Variants in DPF3 observed in about 807,000 individuals in gnomAD.
DPF3 encodes double PHD fingers 3.
A neutral mutation model predicts 56.8 loss-of-function variants in DPF3; 18 were observed. The observed-to-expected ratio is 0.32, with a 90% confidence interval of 0.22 to 0.47. DPF3 has a LOEUF of 0.47. DPF3 is among the 20% of genes least tolerant of loss of function. The pLI, the probability that DPF3 is intolerant of heterozygous loss-of-function variation, is 1.00. For synonymous variants in DPF3, 188 were observed against 180.2 expected (o/e 1.04, Z -0.35); for missense variants, 403 against 488.8 (o/e 0.82, Z 1.65).
At chr14:72,822,429 T>G in intron 1 of DPF3, among the ~76,000 whole-genome samples, 1 of 125,332 alleles carries the variant, frequency 8.0e-6, no homozygotes, top group African/African-American at 2.8e-5. Flanking sequence ...TGTTAAAAAA[T>G]TTTTAAAGGT....
At chr14:72,873,010 A>G (rs1231112628) in intron 1 of DPF3, among the ~76,000 whole-genome samples, 32 of 152,294 alleles carry the variant, frequency 2.1e-4, no homozygotes, top group African/African-American at 6.7e-4. Context: ...ACATAGGCAT[A>G]GGCAAGGACT....
chr14:72,714,396 A>G lies in DPF3; in HGVS notation c.604+27T>C, dbSNP rs560023728. ...CCTGGGGGCAGGCGCACAGGGAGGA[A>G]GGAAGGTGGGACCGGCCCATACTTA... On this transcript the variant is annotated intron_variant, in intron 6 of 10. Transcript: ENST00000556509. 2.5e-6 allele frequency: 4 copies of G among 1,611,560 alleles called. No individual in the cohort carries two copies. The South Asian group carries it at 4.4e-5, about 18-fold the overall frequency.
intron 1 of DPF3, among the ~76,000 whole-genome samples, chr14:72,844,157 C>A (rs1183876610): frequency 2.0e-5 from 3 of 152,164 alleles, no homozygotes; most frequent in Admixed American, 6.5e-5. Flanking sequence ...ACACACATAA[C>A]AGGTTCTAGT....
intron 8 of DPF3, among the ~76,000 whole-genome samples, chr14:72,671,835 T>C (rs1886688840): frequency 6.6e-6 from 1 of 152,252 alleles, no homozygotes. Context: ...ATTTCATTTT[T>C]ATTTTACCCG....
chr14:72,794,933 T>C (rs2052143), intron 1 of DPF3, among the ~76,000 whole-genome samples: 134,359 of 151,936 alleles, frequency 0.88, 59,618 homozygotes, highest in East Asian at 0.98. Flanking sequence ...CCACTTCCAA[T>C]GTCATATCTC....
chr14:72,638,962 G>A (rs190695893), intron 8 of DPF3, among the ~76,000 whole-genome samples: 40 of 152,036 alleles, frequency 2.6e-4, no homozygotes, highest in African/African-American at 8.9e-4. Flanking sequence ...GACTACAGGC[G>A]CCCGCCACCA....
chr14:72,861,783 GAAA>G lies in DPF3; in HGVS notation c.32+32271_32+32273del, dbSNP rs1567261257. Among the ~76,000 whole-genome samples the G allele has an allele frequency of 1.9e-4, 28 of 149,750 alleles. No homozygotes were observed. The East Asian group carries it at 3.3e-3, about 18-fold the overall frequency. Reference sequence around the variant, plus strand: ...AGAAAGAAAGAAAGAAAGAAAGAAAGAAAGAAAGAAAGAAAGAAAGAAGGAAAG... The same window carrying G: ...AGAAAGAAAGAAAGAAAGAAAGAAAGGAAAGAAAGAAAGAAAGAAGGAAAG... On this transcript the variant is annotated intron_variant, in intron 1 of 10. Coordinates refer to ENST00000556509, the MANE Select transcript of DPF3 (RefSeq NM_001280542.3).
intron 1 of DPF3, among the ~76,000 whole-genome samples, chr14:72,850,828 C>T (rs185711153): frequency 8.4e-4 from 128 of 152,198 alleles, no homozygotes; most frequent in Admixed American, 3.3e-3. Context: ...TGTGCGCACG[C>T]GCATGTGTGT....
intron 5 of DPF3, among the ~76,000 whole-genome samples, chr14:72,715,750 C>T (rs1424216707): frequency 6.6e-6 from 1 of 152,006 alleles, no homozygotes; most frequent in Non-Finnish European, 1.5e-5. Flanking sequence ...CCAATCAACA[C>T]CACCTGCCAA....
intron 8 of DPF3, among the ~76,000 whole-genome samples, chr14:72,665,698 C>A (rs973168075): frequency 6.6e-6 from 1 of 152,172 alleles, no homozygotes; most frequent in Non-Finnish European, 1.5e-5. Context: ...AACCTGTGAG[C>A]CCAGACTGGA....
chr14:72,677,114 G>A (rs1243461513), intron 7 of DPF3, among the ~76,000 whole-genome samples: 1 of 152,198 alleles, frequency 6.6e-6, no homozygotes, highest in Non-Finnish European at 1.5e-5. Flanking sequence ...AAGGGGTGAG[G>A]GAGGTCCTAA....
intron 7 of DPF3, among the ~76,000 whole-genome samples, chr14:72,684,582 GA>G (rs1887322832): frequency 6.6e-6 from 1 of 151,744 alleles, no homozygotes. Flanking sequence ...GAATGAGAGA[GA>G]AAGACTCAGG....
chr14:72,722,658 T>C (rs912194429), intron 5 of DPF3, among the ~76,000 whole-genome samples: 5 of 152,086 alleles, frequency 3.3e-5, no homozygotes, highest in African/African-American at 7.2e-5. Flanking sequence ...CCTGAAGGGG[T>C]GAGATTCTCA....
chr14:72,886,269 G>A (rs1195520419), intron 1 of DPF3, among the ~76,000 whole-genome samples: 2 of 152,210 alleles, frequency 1.3e-5, no homozygotes, highest in Non-Finnish European at 2.9e-5. Flanking sequence ...CTACTCGGGA[G>A]ACTGAGACAA....
At chr14:72,768,933 CT>C (rs1427811024) in intron 2 of DPF3, among the ~76,000 whole-genome samples, 34 of 146,516 alleles carry the variant, frequency 2.3e-4, no homozygotes, top group African/African-American at 8.6e-4. Flanking sequence ...GTGTGAGTGT[CT>C]GTGTGTGTGT....
rs532824661 is a variant in DPF3 at position 72,638,408 on chromosome 14, G to A, written c.872-8672C>T. On this transcript the variant is annotated intron_variant, in intron 8 of 10. Transcript: ENST00000556509. ...GCTAAAGGCTCTGTGTTTTCTTTAG[G>A]AAAATGAGCCTGAAAAAGAAACCAT... is the stretch of plus-strand genomic sequence containing the variant. 3.3e-4 allele frequency among the ~76,000 whole-genome samples: 51 copies of A among 152,278 alleles called. 1 individual carries two copies. The highest frequency in any genetic ancestry group is 6.5e-4 in the Non-Finnish European group (44 of 68,022).
chr14:72,679,264 T>G (rs1887051905), intron 7 of DPF3: 1 of 152,272 alleles, frequency 6.6e-6, no homozygotes, highest in African/African-American at 2.4e-5. Flanking sequence ...GCCACTCGTC[T>G]GGGTTCTGCT....
In DPF3 at chr14:72,670,069, T is replaced by C. The variant is rs986780881; in HGVS notation, c.871+4171A>G. On this transcript the variant is annotated intron_variant, in intron 8 of 10. Transcript: ENST00000556509. Reference sequence around the variant, plus strand: ...CTTTGGTTTATTTCAGGAAGTGCTATTGGAAACATAAAACAAAGTGCCTGG... The same window carrying C: ...CTTTGGTTTATTTCAGGAAGTGCTACTGGAAACATAAAACAAAGTGCCTGG... 3.0e-6 allele frequency: 3 copies of C among 985,666 alleles called. No homozygotes were observed. The African/African-American group carries it at 5.2e-5, about 17-fold the overall frequency. The allele number at this position is 985,666 out of a possible 1,614,324, so 61.1% of individuals were successfully genotyped here. A position where few individuals can be genotyped will look rare whatever the true frequency, so the allele number is the denominator to read the frequency against.
chr14:72,716,276 C>A (rs764757756), intron 5 of DPF3, among the ~76,000 whole-genome samples: 1 of 152,084 alleles, frequency 6.6e-6, no homozygotes, highest in Non-Finnish European at 1.5e-5. Flanking sequence ...CAGGGCTGAC[C>A]AGCAGAGTGA....
Sources: gnomAD v4.1 joint callset for allele counts (sites outside exome capture counted in the v4.1 genomes callset) on GRCh38, gnomAD v4.1.1 for gene constraint, MANE v1.5 for transcripts, NCBI Gene and HGNC (gene_info 2026-07-23, HGNC 2026-07-21) for gene names.